The following ROBO2 variants were observed in gnomAD, a reference collection of about 807,000 sequenced individuals.
ROBO2 encodes the protein roundabout guidance receptor 2.
Under a neutral mutation model 160.8 loss-of-function variants are expected in ROBO2, and 53 were observed. The observed-to-expected ratio is 0.33, with a 90% CI of 0.26 to 0.41. The LOEUF (loss-of-function observed/expected upper bound fraction) is 0.41. ROBO2 is among the 10% of genes least tolerant of loss of function. The probability of loss-of-function intolerance (pLI) is 1.00; values close to 1 mark genes in which losing one functional copy is unlikely to be tolerated. For synonymous variants in ROBO2, 664 were observed against 611.7 expected (o/e 1.09, Z -1.26); for missense variants, 1,577 against 1,722.4 (o/e 0.92, Z 1.49).
rs1200296619 is a variant in ROBO2 at position 77,348,635 on chromosome 3, C to A, written c.389-128779C>A. Among the ~76,000 whole-genome samples the A allele has an allele frequency of 3.3e-5, 5 of 152,156 alleles. No individual in the cohort carries two copies. The East Asian group carries it at 9.6e-4, about 29-fold the overall frequency. ...TCTTGTTCACACGCCTCTGACAAAGCTATTTGTTCTATTTTCAGAATATGT... is the reference window on the plus strand; with the variant it reads ...TCTTGTTCACACGCCTCTGACAAAGATATTTGTTCTATTTTCAGAATATGT... On this transcript the variant is annotated intron_variant, in intron 2 of 25. Transcript: ENST00000461745.
chr3:76,376,613 C>T (rs2076357823), intron 2 of ROBO2, among the ~76,000 whole-genome samples: 1 of 151,846 alleles, frequency 6.6e-6, no homozygotes, highest in South Asian at 2.1e-4. Flanking sequence ...GAAACCAATA[C>T]TCTAGCAATG....
intron 2 of ROBO2, among the ~76,000 whole-genome samples, chr3:76,549,119 G>T (rs2108329257): frequency 6.6e-6 from 1 of 152,180 alleles, no homozygotes; most frequent in South Asian, 2.1e-4. Flanking sequence ...GGTGCGAGAA[G>T]AATATTTTTT....
intron 2 of ROBO2, among the ~76,000 whole-genome samples, chr3:76,567,634 T>TATATATATATATACAC (rs1553805578): frequency 3.5e-5 from 3 of 84,602 alleles, no homozygotes; most frequent in Non-Finnish European, 4.9e-5. Flanking sequence ...TATATATATA[T>TATATATATATATACAC]ATATATATAT....
intron 2 of ROBO2, among the ~76,000 whole-genome samples, chr3:76,334,083 T>C (rs981068788): frequency 6.6e-6 from 1 of 152,108 alleles, no homozygotes; most frequent in African/African-American, 2.4e-5. Flanking sequence ...ATGGCACATG[T>C]ATACGTATGT....
At chr3:76,457,503 C>T (rs146799925) in intron 2 of ROBO2, among the ~76,000 whole-genome samples, 2 of 152,184 alleles carry the variant, frequency 1.3e-5, no homozygotes, top group African/African-American at 2.4e-5. Flanking sequence ...CTTTCATGGA[C>T]TGACATCGAG....
At chr3:76,060,749 C>T (rs1409628840) in intron 2 of ROBO2, among the ~76,000 whole-genome samples, 2 of 152,210 alleles carry the variant, frequency 1.3e-5, no homozygotes, top group African/African-American at 4.8e-5. Context: ...CAGGAATAGA[C>T]ATCTCCTTCT....
intron 2 of ROBO2, among the ~76,000 whole-genome samples, chr3:76,637,633 G>C (rs1037944107): frequency 1.3e-5 from 2 of 152,072 alleles, no homozygotes; most frequent in African/African-American, 4.8e-5. Flanking sequence ...GCTCTTCCGG[G>C]CACATACACT....
intron 2 of ROBO2, among the ~76,000 whole-genome samples, chr3:76,975,000 A>G (rs749358789): frequency 1.3e-5 from 2 of 152,236 alleles, no homozygotes; most frequent in Non-Finnish European, 2.9e-5. Context: ...ACACTCTATG[A>G]TATAACAAGA....
At chr3:76,361,733 A>T (rs2075534467) in intron 2 of ROBO2, among the ~76,000 whole-genome samples, 2 of 152,124 alleles carry the variant, frequency 1.3e-5, no homozygotes, top group Admixed American at 1.3e-4. Context: ...TCTTCATAAG[A>T]AATTCACCAT....
At chr3:76,979,390 C>T (rs542793708) in intron 2 of ROBO2, among the ~76,000 whole-genome samples, 2 of 152,228 alleles carry the variant, frequency 1.3e-5, no homozygotes, top group South Asian at 4.1e-4. Flanking sequence ...TTCCAGGTCT[C>T]CAGTGTCTAT....
At chr3:77,631,319 A>G (rs2095157597) in intron 23 of ROBO2, 2 of 152,158 alleles carry the variant, frequency 1.3e-5, no homozygotes, top group African/African-American at 2.4e-5. Flanking sequence ...AAAATTACAA[A>G]TACAGCATCA....
chr3:76,444,776 A>AT (rs1358949749), intron 2 of ROBO2, among the ~76,000 whole-genome samples: 2 of 152,126 alleles, frequency 1.3e-5, no homozygotes, highest in Non-Finnish European at 2.9e-5. Flanking sequence ...GTTTATCTGC[A>AT]TTTTTTCACC....
chr3:77,167,807 A>G (rs1326356316), intron 2 of ROBO2, among the ~76,000 whole-genome samples: 1 of 152,114 alleles, frequency 6.6e-6, no homozygotes, highest in Non-Finnish European at 1.5e-5. Flanking sequence ...GTTTTATGGA[A>G]GTTACCCTGA....
intron 2 of ROBO2, among the ~76,000 whole-genome samples, chr3:76,309,114 G>C (rs2071456523): frequency 1.3e-5 from 2 of 152,128 alleles, no homozygotes; most frequent in Admixed American, 1.3e-4. Context: ...GGAGCCAGCG[G>C]AAAGTAAATG....
intron 2 of ROBO2, among the ~76,000 whole-genome samples, chr3:76,739,041 A>G (rs1228965615): frequency 6.6e-6 from 1 of 152,126 alleles, no homozygotes; most frequent in African/African-American, 2.4e-5. Flanking sequence ...GAGCATACAG[A>G]AATGGTGGGT....
At chr3:76,110,237 T>C (rs1181061456) in intron 2 of ROBO2, among the ~76,000 whole-genome samples, 3 of 152,022 alleles carry the variant, frequency 2.0e-5, no homozygotes, top group Non-Finnish European at 2.9e-5. Flanking sequence ...TTCTTAAGGT[T>C]TTAAGTATAT....
chr3:76,507,507 G>C (rs1384232527), intron 2 of ROBO2, among the ~76,000 whole-genome samples: 2 of 152,026 alleles, frequency 1.3e-5, no homozygotes, highest in Non-Finnish European at 2.9e-5. Flanking sequence ...TGCAGAAATT[G>C]TAATACTGAA....
intron 2 of ROBO2, among the ~76,000 whole-genome samples, chr3:76,298,118 T>G (rs1709174875): frequency 6.6e-6 from 1 of 152,176 alleles, no homozygotes; most frequent in African/African-American, 2.4e-5. Flanking sequence ...TTTCGAAACA[T>G]GCCATCATAG....
chr3:75,958,821 A>C lies in ROBO2; in HGVS notation c.109+21219A>C, dbSNP rs1043849400. 6.0e-4 allele frequency among the ~76,000 whole-genome samples: 91 copies of C among 151,812 alleles called. 2 individuals carry two copies. The highest frequency in any genetic ancestry group is 1.2e-3 in the Non-Finnish European group (82 of 67,848). On this transcript the variant is annotated intron_variant, in intron 2 of 26. Coordinates refer to the ROBO2 transcript ENST00000487694. ...GAATAGTAACAAAGATAAAAAAAGC[A>C]GTGTTCTCAAATTATCTCTAACCCA...
Sources: allele counts gnomAD v4.1 joint callset (sites outside exome capture counted in the v4.1 genomes callset), GRCh38; gene constraint gnomAD v4.1.1; transcripts MANE v1.5; gene names NCBI Gene and HGNC (gene_info 2026-07-23, HGNC 2026-07-21).